The following USP45 variants were observed in gnomAD, a reference collection of about 807,000 sequenced individuals.
USP45 encodes ubiquitin carboxyl-terminal hydrolase 45.
USP45 carries 89 observed loss-of-function variants against 95.8 expected under a neutral mutation model. That is an observed-to-expected ratio of 0.93 (90% CI 0.78 to 1.11). The LOEUF is 1.11. Ranked by LOEUF, USP45 falls within the 50% of genes least tolerant of loss-of-function variation. The pLI, the probability that USP45 is intolerant of heterozygous loss-of-function variation, is 0.00. For synonymous variants in USP45, 281 were observed against 316.2 expected (o/e 0.89, Z 1.18); for missense variants, 898 against 942.5 (o/e 0.95, Z 0.62).
intron 4 of USP45, among the ~76,000 whole-genome samples, chr6:99,504,835 C>G (rs1381662446): frequency 1.3e-5 from 2 of 152,142 alleles, no homozygotes; most frequent in Admixed American, 6.6e-5. Context: ...TGGTAAACAT[C>G]CAACAACGTA....
chr6:99,462,860 T>G (rs1008683487), intron 13 of USP45: 14 of 180,664 alleles, frequency 7.7e-5, no homozygotes, highest in African/African-American at 3.3e-4. Flanking sequence ...GGTGTGCACA[T>G]GTAGTCCCAG....
chr6:99,483,293 A>C (rs1023921497), intron 7 of USP45, among the ~76,000 whole-genome samples: 1 of 152,152 alleles, frequency 6.6e-6, no homozygotes, highest in African/African-American at 2.4e-5. Context: ...CTTTTCCCCA[A>C]ATATTTTACT....
intron 5 of USP45, among the ~76,000 whole-genome samples, chr6:99,496,160 AATAAAT>A (rs1796244267): frequency 6.6e-6 from 1 of 152,112 alleles, no homozygotes; most frequent in Non-Finnish European, 1.5e-5. Context: ...AACAGACAAA[AATAAAT>A]AGAGATAGGG....
At chr6:99,465,527 T>A (rs1787714413) in intron 11 of USP45, among the ~76,000 whole-genome samples, 1 of 152,190 alleles carries the variant, frequency 6.6e-6, no homozygotes, top group Admixed American at 6.5e-5. Flanking sequence ...TGGCTGTGTT[T>A]TATAGATTCT....
At chr6:99,509,180 T>C (rs1381238131) in intron 2 of USP45, among the ~76,000 whole-genome samples, 1 of 152,196 alleles carries the variant, frequency 6.6e-6, no homozygotes, top group Non-Finnish European at 1.5e-5. Context: ...TAAATATCAT[T>C]AGGACCTTAT....
chr6:99,517,601 A>ATTTT (rs11398930), upstream of USP45, among the ~76,000 whole-genome samples: 3 of 136,776 alleles, frequency 2.2e-5, no homozygotes, highest in East Asian at 2.1e-4. Context: ...CACATAGCTA[A>ATTTT]TTTTTTTTTT....
rs181022188 is a variant in USP45, at chr6:99,500,637, A to C, written c.478+3128T>G. 1.7e-3 allele frequency among the ~76,000 whole-genome samples: 265 copies of C among 152,224 alleles called. 1 individual carries two copies. The highest frequency in any genetic ancestry group is 3.4e-3 in the Middle Eastern group (1 of 294). The stretch of plus-strand genomic sequence containing the variant: ...CCATCATATCCCTGCCTATCTTCTT[A>C]TTATGGCCAATGAAACTTAATGCTC... On this transcript the variant is annotated intron_variant, in intron 5 of 17. Transcript: ENST00000500704.
intron 5 of USP45, among the ~76,000 whole-genome samples, chr6:99,501,077 G>A (rs533859121): frequency 7.9e-5 from 12 of 152,194 alleles, no homozygotes; most frequent in African/African-American, 2.6e-4. Flanking sequence ...TCACCTAGCT[G>A]TTCAGTAAAA....
rs1781928223 is a variant in USP45, at chr6:99,443,645, C to T, written c.1993G>A (p.Val665Ile). 3.1e-6 allele frequency: 5 copies of T among 1,592,844 alleles called. No homozygotes were observed. The African/African-American group carries it at 4.0e-5, about 13-fold the overall frequency. The stretch of plus-strand genomic sequence containing the variant: ...AATTGCTTCCTGGCATTAGTATAAA[C>T]TCCTTCTACTTTCTTTTCTACATAA... The part of the protein sequence containing the change: ...TSFAEKKVEG[V>I]YTNARKQLLI... The change falls in exon 15 of 18, where the codon GTT (valine) becomes ATT (isoleucine). Residue 665 changes from valine to isoleucine, a missense_variant. Coordinates refer to ENST00000500704, the MANE Select transcript of USP45 (RefSeq NM_001346022.3).
At chr6:99,488,006 T>C (rs995648895) in intron 7 of USP45, among the ~76,000 whole-genome samples, 194 bp downstream of exon 7, 9 of 152,356 alleles carry the variant, frequency 5.9e-5, no homozygotes, top group Admixed American at 2.6e-4. Flanking sequence ...CCATGGCATA[T>C]TGGAACCATA....
At chr6:99,470,406 C>G (rs988570769) in intron 9 of USP45, among the ~76,000 whole-genome samples, 2 of 152,160 alleles carry the variant, frequency 1.3e-5, no homozygotes, top group African/African-American at 2.4e-5. Flanking sequence ...CCGAGTTTCA[C>G]TTATTACTAA....
At chr6:99,450,825 G>A (rs1231727054) in intron 13 of USP45, among the ~76,000 whole-genome samples, 3 of 152,164 alleles carry the variant, frequency 2.0e-5, no homozygotes, top group Non-Finnish European at 2.9e-5. Flanking sequence ...ACATCAAAAA[G>A]CTTATCCACC....
At chr6:99,489,152 C>T (rs1328577809) in intron 5 of USP45, among the ~76,000 whole-genome samples, 3 of 152,042 alleles carry the variant, frequency 2.0e-5, no homozygotes, top group Non-Finnish European at 2.9e-5. Flanking sequence ...GAAATAAGGA[C>T]GTCTAGGGGA....
intron 5 of USP45, among the ~76,000 whole-genome samples, 193 bp from the exon 6 acceptor site, chr6:99,489,013 T>C (rs1794606935): frequency 1.3e-5 from 2 of 152,346 alleles, no homozygotes; most frequent in East Asian, 1.9e-4. Context: ...ATTTAAACTT[T>C]AGTATACAGA....
chr6:99,458,107 A>AC (rs1785496832), intron 13 of USP45, among the ~76,000 whole-genome samples: 1 of 151,988 alleles, frequency 6.6e-6, no homozygotes, highest in Non-Finnish European at 1.5e-5. Context: ...TGCAACCTCC[A>AC]CCTCCTGGTT....
chr6:99,488,690 T>A lies in USP45; in HGVS notation c.609A>T (p.Ala203=). The A allele has an allele frequency of 6.3e-7, 1 of 1,599,270 alleles. No individual in the cohort carries two copies. The highest frequency in any genetic ancestry group is 8.5e-7 in the Non-Finnish European group (1 of 1,174,504). The change falls in exon 6 of 18, where the codon GCA becomes GCT. Residue 203 remains alanine, a synonymous_variant. Transcript: ENST00000500704. ...TTCTGATGACTCTTACCTGCATGAC[T>A]GCATTAAAAAAGCAAGTATTTCCTA... The part of the protein sequence containing the change: ...TNLGNTCFFN[A]VMQNLAQTYT...
chr6:99,457,370 T>C (rs940295731), intron 13 of USP45, among the ~76,000 whole-genome samples: 1 of 152,198 alleles, frequency 6.6e-6, no homozygotes, highest in Non-Finnish European at 1.5e-5. Flanking sequence ...ACATGTGATG[T>C]CTCCCCTGGA....
chr6:99,487,240 T>C (rs1794129206), intron 7 of USP45, among the ~76,000 whole-genome samples: 1 of 152,204 alleles, frequency 6.6e-6, no homozygotes, highest in Non-Finnish European at 1.5e-5. Flanking sequence ...ATTTCTCATT[T>C]TGGCTGAAGG....
intron 13 of USP45, among the ~76,000 whole-genome samples, chr6:99,460,440 T>C (rs115709734): frequency 2.6e-5 from 4 of 152,096 alleles, no homozygotes; most frequent in African/African-American, 7.2e-5. Flanking sequence ...AACAAAAATA[T>C]CCTTGCAACT....
Sources: gnomAD v4.1 joint callset for allele counts (sites outside exome capture counted in the v4.1 genomes callset) on GRCh38, gnomAD v4.1.1 for gene constraint, MANE v1.5 for transcripts, NCBI Gene and HGNC (gene_info 2026-07-23, HGNC 2026-07-21) for gene names.